WDR64: variants seen among roughly 807,000 people sequenced by gnomAD.
The protein encoded by WDR64 is WD repeat domain 64.
A neutral mutation model predicts 139.3 loss-of-function variants in WDR64; 112 were observed. That is an observed-to-expected ratio of 0.80 (90% confidence interval 0.69 to 0.94). The LOEUF is 0.94. Ranked by LOEUF, WDR64 falls within the 40% of genes least tolerant of loss-of-function variation. The pLI is 0.00. For synonymous variants in WDR64, 444 were observed against 437.7 expected (o/e 1.01, Z -0.18); for missense variants, 1,206 against 1,293.1 (o/e 0.93, Z 1.03).
At chr1:241,653,441 G>A (rs1197053727) in intron 1 of WDR64, among the ~76,000 whole-genome samples, 2 of 152,020 alleles carry the variant, frequency 1.3e-5, no homozygotes, top group Non-Finnish European at 2.9e-5. Flanking sequence ...ATAATTTATA[G>A]TCATGTTAAT....
At chr1:241,794,992 A>T (rs1336506377) in intron 25 of WDR64, among the ~76,000 whole-genome samples, 2 of 152,122 alleles carry the variant, frequency 1.3e-5, no homozygotes, top group Non-Finnish European at 2.9e-5. Context: ...TTTTTGATGT[A>T]TTGTGACCAT....
intron 1 of WDR64, 46 bp from the exon 2 acceptor site, chr1:241,660,484 A>G: frequency 6.5e-7 from 1 of 1,537,192 alleles, no homozygotes. Context: ...TACAAAAGGT[A>G]GTCCTTGGAA....
chr1:241,723,511 CA>C (rs1668688778), intron 10 of WDR64, 75 bp downstream of exon 10: 1 of 1,452,648 alleles, frequency 6.9e-7, no homozygotes, highest in East Asian at 2.5e-5. Flanking sequence ...AGGGATGATA[CA>C]ATTTTTGACT....
chr1:241,725,522 A>G (rs926582434), intron 10 of WDR64, among the ~76,000 whole-genome samples: 1 of 151,182 alleles, frequency 6.6e-6, no homozygotes, highest in South Asian at 2.1e-4. Context: ...CGTTCCCTCC[A>G]TGCTCACGGA....
rs1352158183 is a variant in WDR64, at chr1:241,801,939, A to G, written c.*724A>G. 1 of 398,070 alleles carries G rather than the reference A, an allele frequency of 2.5e-6. No homozygotes were observed. Among genetic ancestry groups the G allele is most frequent in the Non-Finnish European group, 4.4e-6 (1 of 225,794 alleles). 24.7% of individuals were successfully genotyped at this position (398,070 alleles called of 1,614,324 possible). A position where few individuals can be genotyped will look rare whatever the true frequency, so the allele number is the denominator to read the frequency against. On this transcript the variant is annotated 3_prime_UTR_variant, in exon 28 of 28. Transcript: ENST00000437684. The stretch of plus-strand genomic sequence containing the variant: ...TGGATTAAAAAAACAAAATCCAACT[A>G]TATGTTGTTTACAAGAAACACATCT...
chr1:241,790,703 TAAAAAAA>T lies in WDR64; in HGVS notation c.2997+19_2997+25del. On this transcript the variant is annotated splice_region_variant and intron_variant, in intron 25 of 27. Coordinates refer to ENST00000437684, the MANE Select transcript of WDR64 (RefSeq NM_001367482.1). ...GTCTCTTTCTTCTCCTAAGGTAGCT[TAAAAAAA>T]AAAAAAAAAAAGAAATGGCAACAAC... The T allele has an allele frequency of 7.8e-7, 1 of 1,284,944 alleles. No homozygotes were observed. Among genetic ancestry groups the T allele is most frequent in the South Asian group, 1.4e-5 (1 of 70,202 alleles). The allele number at this position is 1,284,944 out of a possible 1,614,324, so 79.6% of individuals were successfully genotyped here.
intron 8 of WDR64, among the ~76,000 whole-genome samples, chr1:241,697,767 T>A (rs535498600): frequency 7.2e-5 from 11 of 152,258 alleles, no homozygotes; most frequent in African/African-American, 2.6e-4. Flanking sequence ...ATTCCCTCCA[T>A]AATTCTCTCT....
chr1:241,729,694 A>G (rs1669000254), intron 10 of WDR64, among the ~76,000 whole-genome samples: 1 of 152,174 alleles, frequency 6.6e-6, no homozygotes, highest in Non-Finnish European at 1.5e-5. Flanking sequence ...CCTTTTGGTG[A>G]GTGAGAAATG....
At chr1:241,688,107 A>C (rs763934292) in intron 8 of WDR64, among the ~76,000 whole-genome samples, 6 of 152,218 alleles carry the variant, frequency 3.9e-5, no homozygotes, top group Non-Finnish European at 5.9e-5. Context: ...GGGTTTTAAA[A>C]TTGCATTGAG....
chr1:241,726,504 A>G (rs545070739), intron 10 of WDR64, among the ~76,000 whole-genome samples: 10 of 152,272 alleles, frequency 6.6e-5, no homozygotes, highest in South Asian at 6.2e-4. Flanking sequence ...TAAGTAGATT[A>G]CACTTCAATA....
chr1:241,688,581 A>G (rs1467340463), intron 8 of WDR64, among the ~76,000 whole-genome samples: 2 of 152,158 alleles, frequency 1.3e-5, no homozygotes, highest in Non-Finnish European at 2.9e-5. Context: ...TAACAAACTA[A>G]AAAATAAATA....
intron 10 of WDR64, among the ~76,000 whole-genome samples, chr1:241,727,587 T>G (rs1000014180): frequency 2.6e-5 from 4 of 152,190 alleles, no homozygotes; most frequent in Admixed American, 6.5e-5. Context: ...GTGTCTATTG[T>G]GTTAGATACT....
intron 10 of WDR64, among the ~76,000 whole-genome samples, chr1:241,738,015 G>A (rs779173635): frequency 6.6e-6 from 1 of 152,092 alleles, no homozygotes; most frequent in Non-Finnish European, 1.5e-5. Context: ...ATAATACAAA[G>A]AGAAATGTGA....
intron 9 of WDR64, among the ~76,000 whole-genome samples, chr1:241,718,816 T>G (rs1265312738): frequency 6.6e-6 from 1 of 152,128 alleles, no homozygotes; most frequent in African/African-American, 2.4e-5. Flanking sequence ...TCTCTCCATG[T>G]TCTCAAATGG....
chr1:241,773,985 T>C (rs1658558711), intron 20 of WDR64, among the ~76,000 whole-genome samples: 1 of 152,228 alleles, frequency 6.6e-6, no homozygotes, highest in Non-Finnish European at 1.5e-5. Flanking sequence ...TTGCATCGTA[T>C]TGAGTGTTCT....
intron 8 of WDR64, among the ~76,000 whole-genome samples, chr1:241,696,034 A>G (rs1451364898): frequency 2.9e-5 from 4 of 139,198 alleles, no homozygotes; most frequent in Non-Finnish European, 6.1e-5. Context: ...GGATCACTTT[A>G]GCCTGGGAGG....
chr1:241,733,483 A>AG, intron 10 of WDR64, among the ~76,000 whole-genome samples: 1 of 149,460 alleles, frequency 6.7e-6, no homozygotes, highest in East Asian at 2.0e-4. Context: ...CTCAAAAAAA[A>AG]GAAAAGAAAA....
chr1:241,775,766 T>A (rs558529641), intron 21 of WDR64, among the ~76,000 whole-genome samples: 2 of 152,314 alleles, frequency 1.3e-5, no homozygotes, highest in East Asian at 3.9e-4. Context: ...TATGTGTGTA[T>A]GTGAATGCAC....
At chr1:241,716,542 G>A (rs1011861685) in intron 9 of WDR64, among the ~76,000 whole-genome samples, 2 of 152,018 alleles carry the variant, frequency 1.3e-5, no homozygotes, top group African/African-American at 4.8e-5. Flanking sequence ...TATAGACTAG[G>A]CTATTAACCT....
Sources: gnomAD v4.1 joint callset for allele counts (sites outside exome capture counted in the v4.1 genomes callset) on GRCh38, gnomAD v4.1.1 for gene constraint, MANE v1.5 for transcripts, NCBI Gene and HGNC (gene_info 2026-07-23, HGNC 2026-07-21) for gene names.